Variants in DLC1 observed in about 807,000 individuals in gnomAD.
The protein encoded by DLC1 is rho GTPase-activating protein 7.
In DLC1, 54 loss-of-function variants were observed where a neutral mutation model predicts 140.3. That is an observed-to-expected ratio of 0.38 (90% CI 0.31 to 0.48). The LOEUF is 0.48. Among genes scored for constraint, DLC1 ranks in the 20% least tolerant of loss-of-function variants. The pLI is 0.96. For synonymous variants in DLC1, 986 were observed against 728.1 expected, an observed-to-expected ratio of 1.35 and a Z score of -5.70; for missense variants, 2,536 against 1,907.0, an observed-to-expected ratio of 1.33 and a Z score of -6.14.
intron 4 of DLC1, among the ~76,000 whole-genome samples, chr8:13,374,930 C>T (rs868597338): frequency 2.0e-5 from 3 of 152,100 alleles, no homozygotes; most frequent in Admixed American, 2.0e-4. Flanking sequence ...AAGTAGGATT[C>T]CCAGGTATTT....
At chr8:13,276,313 C>G in intron 5 of DLC1, 1 of 1,535,544 alleles carries the variant, frequency 6.5e-7, no homozygotes, top group Non-Finnish European at 8.7e-7. Flanking sequence ...AGGGCTCTGG[C>G]CGTGGAGTCC....
chr8:13,478,264 G>C (rs1037660701), intron 2 of DLC1, among the ~76,000 whole-genome samples: 2 of 152,102 alleles, frequency 1.3e-5, no homozygotes, highest in African/African-American at 4.8e-5. Flanking sequence ...AGAGAGAAGG[G>C]GGTAGGTGGA....
Position 13,499,657 on chromosome 8 carries a change from G to A in DLC1, c.415C>T (p.His139Tyr). ...NTQGQKTSGQ[H>Y]MIQGAGSLEK... ...AAGGAGCCTGCTCCTTGGATCATATGTTGGCCTGATGTTTTCTGCCCTTGG... is the reference window on the plus strand; with the variant it reads ...AAGGAGCCTGCTCCTTGGATCATATATTGGCCTGATGTTTTCTGCCCTTGG... Residue 139 changes from histidine to tyrosine, a missense_variant, in exon 2 of 18, where the codon CAT becomes TAT. Transcript: ENST00000276297. 1 of 1,614,156 alleles carries A rather than the reference G, an allele frequency of 6.2e-7. No individual in the cohort carries two copies. The highest frequency in any genetic ancestry group is 1.7e-5 in the Admixed American group (1 of 60,024).
At chr8:13,088,979 C>T (rs1027194328) in intron 15 of DLC1, among the ~76,000 whole-genome samples, 1 of 152,096 alleles carries the variant, frequency 6.6e-6, no homozygotes, top group African/African-American at 2.4e-5. Context: ...GACATTTGAG[C>T]CGGGTGCAGT....
intron 1 of DLC1, among the ~76,000 whole-genome samples, chr8:13,540,439 C>G (rs1003829418): frequency 6.6e-6 from 1 of 152,046 alleles, no homozygotes; most frequent in East Asian, 1.9e-4. Context: ...TAATGAACCT[C>G]TTTAGATATT....
chr8:13,466,255 C>T (rs960360948), intron 2 of DLC1, among the ~76,000 whole-genome samples: 5 of 152,202 alleles, frequency 3.3e-5, no homozygotes, highest in Non-Finnish European at 7.3e-5. Flanking sequence ...CCTACCTGCT[C>T]GCTGAGCCTG....
chr8:13,543,990 T>C (rs943187471), intron 1 of DLC1, among the ~76,000 whole-genome samples: 3 of 151,746 alleles, frequency 2.0e-5, no homozygotes, highest in East Asian at 1.9e-4. Flanking sequence ...CCAAAAGCTA[T>C]TGAAACAAAA....
intron 14 of DLC1, 42 bp from the exon 15 acceptor site, chr8:13,090,512 G>T (rs1817966498): frequency 6.2e-7 from 1 of 1,602,930 alleles, no homozygotes; most frequent in Non-Finnish European, 8.5e-7. Flanking sequence ...GAGTCCACCT[G>T]TACTCAATCT....
At chr8:13,407,938 C>G (rs1042747399) in intron 2 of DLC1, among the ~76,000 whole-genome samples, 8 of 152,138 alleles carry the variant, frequency 5.3e-5, no homozygotes, top group African/African-American at 1.9e-4. Context: ...TCATTCTAGA[C>G]TTTCCTTTCT....
At chr8:13,501,002 C>T (rs1473655831) in intron 1 of DLC1, among the ~76,000 whole-genome samples, 1 of 152,188 alleles carries the variant, frequency 6.6e-6, no homozygotes, top group Non-Finnish European at 1.5e-5. Context: ...AGTCAACAAA[C>T]TTCATTGTCT....
At chr8:13,589,802 T>C (rs1194980834) in intron 1 of DLC1, among the ~76,000 whole-genome samples, 3 of 151,634 alleles carry the variant, frequency 2.0e-5, no homozygotes, top group Non-Finnish European at 4.4e-5. Flanking sequence ...AAAATATAAA[T>C]GGTGAAAGGA....
chr8:13,557,617 C>T (rs1804094072), intron 1 of DLC1: 1 of 152,096 alleles, frequency 6.6e-6, no homozygotes, highest in Non-Finnish European at 1.5e-5. Context: ...GTGGTACTTC[C>T]TTGTTCTCGC....
intron 5 of DLC1, among the ~76,000 whole-genome samples, chr8:13,155,863 G>C (rs1416027859): frequency 6.6e-6 from 1 of 152,154 alleles, no homozygotes; most frequent in Non-Finnish European, 1.5e-5. Flanking sequence ...AAAGTGAAAT[G>C]AGAAACCTTC....
chr8:13,602,229 T>C (rs900922668), intron 1 of DLC1, among the ~76,000 whole-genome samples: 2 of 151,784 alleles, frequency 1.3e-5, no homozygotes, highest in Non-Finnish European at 2.9e-5. Context: ...TTTTCAATGA[T>C]GTGTGAAGGA....
chr8:13,202,094 C>T (rs1010471204), intron 5 of DLC1, among the ~76,000 whole-genome samples: 7 of 151,690 alleles, frequency 4.6e-5, no homozygotes, highest in Non-Finnish European at 7.4e-5. Flanking sequence ...TACCAGTGCG[C>T]GCCAAAACGC....
intron 5 of DLC1, among the ~76,000 whole-genome samples, chr8:13,159,999 A>T (rs1265520230): frequency 1.3e-5 from 2 of 152,168 alleles, no homozygotes; most frequent in Non-Finnish European, 2.9e-5. Context: ...CTATACTAAA[A>T]ATACAAAAAT....
At chr8:13,190,553 T>C (rs913854441) in intron 5 of DLC1, among the ~76,000 whole-genome samples, 4 of 152,226 alleles carry the variant, frequency 2.6e-5, no homozygotes. Context: ...ACAGGTCAAG[T>C]GTCTTTTGAA....
chr8:13,493,121 G>C (rs926481195), intron 2 of DLC1, among the ~76,000 whole-genome samples: 1 of 152,166 alleles, frequency 6.6e-6, no homozygotes, highest in African/African-American at 2.4e-5. Flanking sequence ...GGAAACAAGT[G>C]TCAAAACAAG....
intron 5 of DLC1, among the ~76,000 whole-genome samples, chr8:13,140,338 T>C (rs1422632230): frequency 6.6e-6 from 1 of 152,114 alleles, no homozygotes; most frequent in East Asian, 1.9e-4. Context: ...GCTCAAGTGA[T>C]CCTCCCACCT....
Sources: gnomAD v4.1 joint callset for allele counts (sites outside exome capture counted in the v4.1 genomes callset) on GRCh38, gnomAD v4.1.1 for gene constraint, MANE v1.5 for transcripts, NCBI Gene and HGNC (gene_info 2026-07-23, HGNC 2026-07-21) for gene names.